Variants in WDFY1 observed in about 807,000 individuals in gnomAD.
WDFY1 encodes WD repeat and FYVE domain-containing protein 1.
A neutral mutation model predicts 56.4 loss-of-function variants in WDFY1; 32 were observed. The ratio of observed to expected loss-of-function variants is 0.57; its 90% CI spans 0.43 to 0.76. The LOEUF is 0.76. Among genes scored for constraint, WDFY1 ranks in the 30% least tolerant of loss-of-function variants. WDFY1 has a pLI of 0.00. For synonymous variants in WDFY1, 192 were observed against 197.3 expected (o/e 0.97, Z 0.23); for missense variants, 480 against 545.7 (o/e 0.88, Z 1.20).
intron 8 of WDFY1, among the ~76,000 whole-genome samples, chr2:223,889,436 T>C (rs951356772): frequency 7.2e-5 from 11 of 152,284 alleles, no homozygotes; most frequent in Admixed American, 7.2e-4. Context: ...ATAATCCCCA[T>C]GTGTCATGGG....
chr2:223,894,115 G>A (rs1174253644), intron 8 of WDFY1, 119 bp downstream of exon 8: 2 of 884,434 alleles, frequency 2.3e-6, no homozygotes, highest in Admixed American at 2.5e-5. Flanking sequence ...TAGCAGAAGG[G>A]GAAGCTGGGA....
chr2:223,883,684 C>A (rs1487029070), intron 9 of WDFY1, among the ~76,000 whole-genome samples: 2 of 152,250 alleles, frequency 1.3e-5, no homozygotes, highest in East Asian at 3.9e-4. Flanking sequence ...CTCGCTCTGT[C>A]ACTTAGGCTG....
intron 1 of WDFY1, among the ~76,000 whole-genome samples, chr2:223,942,897 T>C (rs999391871): frequency 6.6e-6 from 1 of 151,368 alleles, no homozygotes; most frequent in African/African-American, 2.4e-5. Context: ...GAGTCATTAT[T>C]CTGGCCGGAC....
At chr2:223,925,968 T>C (rs1050811685) in intron 1 of WDFY1, among the ~76,000 whole-genome samples, 1 of 152,218 alleles carries the variant, frequency 6.6e-6, no homozygotes, top group African/African-American at 2.4e-5. Flanking sequence ...CCCCTCAAAG[T>C]TATCCATGAG....
At position 223,880,134 on chromosome 2, in the gene WDFY1, C is replaced by A. The variant is rs201787116; in HGVS notation, c.1163G>T (p.Arg388Leu). The part of the protein sequence containing the change: ...RGLMVTCGTD[R>L]IVKIWDMTPV... ...AATTAGCCAGCTTACCTTTACAATG[C>A]GGTCGGTCCCACAGGTCACCATCAG... is the stretch of plus-strand genomic sequence containing the variant. The change falls in exon 11 of 12, where the codon CGC becomes CTC. Residue 388 changes from arginine (R) to leucine (L), a missense_variant. By Grantham distance (102) the Arg-to-Leu change is moderately radical. Coordinates refer to ENST00000233055, the MANE Select transcript of WDFY1 (RefSeq NM_020830.5). The A allele has an allele frequency of 1.9e-6, 3 of 1,613,730 alleles. No individual in the cohort carries two copies. Among genetic ancestry groups the A allele is most frequent in the East Asian group, 4.5e-5 (2 of 44,874 alleles).
chr2:223,883,170 C>A (rs554414693), intron 9 of WDFY1, among the ~76,000 whole-genome samples: 106 of 152,282 alleles, frequency 7.0e-4, no homozygotes, highest in Non-Finnish European at 6.9e-4. Context: ...CAGGCATAAG[C>A]CATCATACCC....
In WDFY1 at chr2:223,894,914, T is replaced by C. The variant is rs764313715; in HGVS notation, c.726-575A>G. Among the ~76,000 whole-genome samples the C allele has an allele frequency of 3.0e-4, 46 of 152,262 alleles. 1 individual carries two copies. The highest frequency in any genetic ancestry group is 6.6e-4 in the Non-Finnish European group (45 of 68,018). Reference sequence around the variant, plus strand: ...CTAATTTTCAGCTTGACTGTGATTATAGTAACAGCTGCAGCCTAGCCAAAA... The same window carrying C: ...CTAATTTTCAGCTTGACTGTGATTACAGTAACAGCTGCAGCCTAGCCAAAA... On this transcript the variant is annotated intron_variant, in intron 7 of 11. Transcript: ENST00000233055.
rs1463028702 is a variant in WDFY1, at chr2:223,877,943, C to T, written c.*728G>A. On this transcript the variant is annotated 3_prime_UTR_variant, in exon 12 of 12. Transcript: ENST00000233055. The stretch of plus-strand genomic sequence containing the variant: ...AACAGCACCATAAAAAAGTTTTGCC[C>T]TAGGAATTTGGGGGAAAGGGAAGAA... 6.6e-6 allele frequency: 1 copy of T among 152,568 alleles called. No homozygotes were observed. The highest frequency in any genetic ancestry group is 1.5e-5 in the Non-Finnish European group (1 of 68,036). The allele number at this position is 152,568 out of a possible 1,614,324, so 9.5% of individuals were successfully genotyped here. A position where few individuals can be genotyped will look rare whatever the true frequency, so the allele number is the denominator to read the frequency against.
In WDFY1 at chr2:223,880,183, T is replaced by C. The variant is rs1162199273; in HGVS notation, c.1114A>G (p.Met372Val). The C allele has an allele frequency of 2.5e-6, 4 of 1,614,106 alleles. No individual in the cohort carries two copies. The South Asian group carries it at 4.4e-5, about 18-fold the overall frequency. The change falls in exon 11 of 12, where the codon ATG becomes GTG. Residue 372 changes from methionine (M) to valine (V), a missense_variant. By Grantham distance (21) the Met-to-Val change is conservative (BLOSUM62 1). Transcript: ENST00000233055. The stretch of plus-strand genomic sequence containing the variant: ...AGTCCCCTGGCAATGTCCATGGACA[T>C]GTGGGAAATGTTATGTTTTCCTTCA... ...FHEGKHNISH[M>V]SMDIARGLMV...
At chr2:223,912,360 A>C in intron 2 of WDFY1, 34 bp from the exon 3 acceptor site, 1 of 1,569,176 alleles carries the variant, frequency 6.4e-7, no homozygotes, top group Non-Finnish European at 8.6e-7. Context: ...TTACCAGCAA[A>C]GCTAAGCACT....
chr2:223,945,276 G>A lies in WDFY1; in HGVS notation c.9C>T (p.Ala3=), dbSNP rs745385983. MA[A]EIHSRPQSSR... Reference sequence around the variant, plus strand: ...TGCTCTGCGGCCTGGAGTGGATTTCGGCCGCCATGTTCGCGCGGCGACTGC... The same window carrying A: ...TGCTCTGCGGCCTGGAGTGGATTTCAGCCGCCATGTTCGCGCGGCGACTGC... Residue 3 remains alanine (A), a synonymous_variant, in exon 1 of 12, where the codon GCC becomes GCT. Coordinates refer to ENST00000233055, the MANE Select transcript of WDFY1 (RefSeq NM_020830.5). 15 of 1,574,458 alleles carry A rather than the reference G, an allele frequency of 9.5e-6. No individual in the cohort carries two copies. The highest frequency in any genetic ancestry group is 1.3e-5 in the Non-Finnish European group (15 of 1,166,540).
At chr2:223,880,072 A>G (rs887007941) in intron 11 of WDFY1, 52 bp downstream of exon 11, 47 of 1,463,482 alleles carry the variant, frequency 3.2e-5, no homozygotes, top group Non-Finnish European at 4.3e-5. Flanking sequence ...CATTCACAGC[A>G]TGGTAATAGG....
rs1286190315 is a variant in WDFY1, at chr2:223,875,581, C to A, written c.*3090G>T. ...AAACACTTTAAATTGTACTCTAATA[C>A]AAATTTGTTGCACAATTAAACTTCA... On this transcript the variant is annotated 3_prime_UTR_variant, in exon 12 of 12. Coordinates refer to ENST00000233055, the MANE Select transcript of WDFY1 (RefSeq NM_020830.5). 1.3e-5 allele frequency: 2 copies of A among 152,168 alleles called. No homozygotes were observed. Among genetic ancestry groups the A allele is most frequent in the African/African-American group, 4.8e-5 (2 of 41,444 alleles). 9.4% of individuals were successfully genotyped at this position (152,168 alleles called of 1,614,324 possible).
chr2:223,924,786 A>G (rs1693950768), intron 1 of WDFY1, among the ~76,000 whole-genome samples: 1 of 152,212 alleles, frequency 6.6e-6, no homozygotes, highest in African/African-American at 2.4e-5. Context: ...TGTTTTTAAA[A>G]TGTACTGCTG....
At chr2:223,899,300 A>G in intron 5 of WDFY1, 1 of 446,914 alleles carries the variant, frequency 2.2e-6, no homozygotes, top group Non-Finnish European at 4.1e-6. Context: ...GAGAAAGTTT[A>G]TATTCATTCA....
chr2:223,888,813 C>T lies in WDFY1; in HGVS notation c.832-4064G>A, dbSNP rs571710019. 1.1e-4 allele frequency among the ~76,000 whole-genome samples: 16 copies of T among 151,556 alleles called. No individual in the cohort carries two copies. The East Asian group carries it at 2.9e-3, about 28-fold the overall frequency. ...ATGTTGGTTAGGCTGGTCTCAAACT[C>T]CTGACCTCAAGTGATCTGCCCGCCT... is the stretch of plus-strand genomic sequence containing the variant. On this transcript the variant is annotated intron_variant, in intron 8 of 11. Coordinates refer to ENST00000233055, the MANE Select transcript of WDFY1 (RefSeq NM_020830.5).
At chr2:223,883,873 T>TGACCTCGGGTGATCCACC (rs948641209) in intron 9 of WDFY1, among the ~76,000 whole-genome samples, 3 of 152,186 alleles carry the variant, frequency 2.0e-5, no homozygotes, top group Admixed American at 2.0e-4. Context: ...CTCAAACTCC[T>TGACCTCGGGTGATCCACC]GACCTCGGGT....
chr2:223,879,197 A>C (rs1693023528), intron 11 of WDFY1, among the ~76,000 whole-genome samples: 1 of 152,224 alleles, frequency 6.6e-6, no homozygotes, highest in African/African-American at 2.4e-5. Flanking sequence ...AAACAAAAAG[A>C]TTTTCAGAAA....
intron 8 of WDFY1, 113 bp from the exon 9 acceptor site, chr2:223,884,862 T>TTCTTC: frequency 3.7e-6 from 1 of 273,654 alleles, no homozygotes; most frequent in South Asian, 3.2e-5. Context: ...TTTTCTTCTT[T>TTCTTC]TTTTTTTTTT....
Sources: gnomAD v4.1 joint callset for allele counts (sites outside exome capture counted in the v4.1 genomes callset) on GRCh38, gnomAD v4.1.1 for gene constraint, MANE v1.5 for transcripts, NCBI Gene and HGNC (gene_info 2026-07-23, HGNC 2026-07-21) for gene names.